The following NAPB variants were observed in gnomAD, a reference collection of about 807,000 sequenced individuals.
The protein encoded by NAPB is NSF attachment protein beta.
NAPB carries 26 observed loss-of-function variants against 44.7 expected under a neutral mutation model. The observed-to-expected ratio is 0.58, with a 90% CI of 0.43 to 0.81. The LOEUF is 0.81. NAPB is among the 30% of genes least tolerant of loss of function. The pLI, the probability that NAPB is intolerant of heterozygous loss-of-function variation, is 0.00. For synonymous variants in NAPB, 120 were observed against 116.8 expected (o/e 1.03, Z -0.18); for missense variants, 315 against 356.4 (o/e 0.88, Z 0.94).
intron 10 of NAPB, chr20:23,378,723 T>G (rs1435241796): frequency 6.6e-6 from 1 of 151,602 alleles, no homozygotes; most frequent in Admixed American, 6.6e-5. Flanking sequence ...ATTATAGGTG[T>G]GAGCCACCGT....
At chr20:23,404,906 C>T (rs1005275922) in intron 1 of NAPB, among the ~76,000 whole-genome samples, 8 of 152,294 alleles carry the variant, frequency 5.3e-5, no homozygotes, top group Non-Finnish European at 1.2e-4. Context: ...TGTGGAGAAA[C>T]CTTATATACG....
intron 2 of NAPB, among the ~76,000 whole-genome samples, chr20:23,397,547 TAAAG>T (rs1268716435): frequency 6.6e-6 from 1 of 152,122 alleles, no homozygotes; most frequent in Non-Finnish European, 1.5e-5. Flanking sequence ...CACAAATGAT[TAAAG>T]AAAGGTAAAA....
chr20:23,417,717 T>A (rs1244042450), intron 1 of NAPB, among the ~76,000 whole-genome samples: 2 of 152,062 alleles, frequency 1.3e-5, no homozygotes, highest in Non-Finnish European at 2.9e-5. Flanking sequence ...CATTACTGCT[T>A]AACGGGCAAT....
At chr20:23,391,135 C>A (rs1568608570) in intron 5 of NAPB, among the ~76,000 whole-genome samples, 1 of 152,104 alleles carries the variant, frequency 6.6e-6, no homozygotes, top group African/African-American at 2.4e-5. Flanking sequence ...CATGGTGAAA[C>A]CCTGTCTCTA....
chr20:23,394,468 G>C (rs1285760474), intron 5 of NAPB, among the ~76,000 whole-genome samples: 1 of 152,158 alleles, frequency 6.6e-6, no homozygotes, highest in African/African-American at 2.4e-5. Flanking sequence ...ACAAAGTGGA[G>C]AGGTCAGCAG....
intron 7 of NAPB, among the ~76,000 whole-genome samples, chr20:23,384,808 T>C (rs1983344021): frequency 6.6e-6 from 1 of 152,076 alleles, no homozygotes; most frequent in Non-Finnish European, 1.5e-5. Context: ...AAAACAAAGA[T>C]TGGCACAGTG....
At chr20:23,389,320 T>C (rs188322535) in intron 7 of NAPB, among the ~76,000 whole-genome samples, 42 of 150,930 alleles carry the variant, frequency 2.8e-4, no homozygotes, top group Middle Eastern at 3.5e-3. Context: ...GAAGGTATAA[T>C]GGTGTAGCCA....
intron 1 of NAPB, among the ~76,000 whole-genome samples, chr20:23,407,694 G>A (rs779977192): frequency 1.3e-5 from 2 of 152,154 alleles, no homozygotes; most frequent in South Asian, 4.2e-4. Flanking sequence ...AGGAGGTCAC[G>A]ACACTGAGGA....
rs1983833484 is a variant in NAPB, at chr20:23,390,021, G to C, written c.486C>G (p.Asn162Lys). 1 of 1,614,012 alleles carries C rather than the reference G, an allele frequency of 6.2e-7. No individual in the cohort carries two copies. Among genetic ancestry groups the C allele is most frequent in the South Asian group, 1.1e-5 (1 of 91,060 alleles). The change falls in exon 7 of 11, where the codon AAC becomes AAG. Residue 162 changes from asparagine (N) to lysine (K), a missense_variant. Around this residue, in one of 3 missense-constraint regions of NAPB, gnomAD observed 16 missense variants for 43.4 expected, o/e 0.37. Transcript: ENST00000377026. ...YKGEESNSSA[N>K]KCLLKVAAYA... Reference sequence around the variant, plus strand: ...ATGCTGCCACCTTCAGCAGACACTTGTTTGCTGAGCTGAAATCAAGAACCA... The same window carrying C: ...ATGCTGCCACCTTCAGCAGACACTTCTTTGCTGAGCTGAAATCAAGAACCA...
intron 6 of NAPB, 66 bp downstream of exon 6, chr20:23,390,143 A>G (rs1983842865): frequency 6.6e-7 from 1 of 1,523,120 alleles, no homozygotes. Context: ...CACAAAGTAT[A>G]AAGAAGTATT....
intron 7 of NAPB, among the ~76,000 whole-genome samples, chr20:23,383,841 T>C (rs1983242037): frequency 6.6e-6 from 1 of 152,218 alleles, no homozygotes; most frequent in African/African-American, 2.4e-5. Flanking sequence ...AATTCTAACA[T>C]TGACTCATGT....
chr20:23,420,748 C>T (rs946705608), intron 1 of NAPB, among the ~76,000 whole-genome samples: 7 of 152,130 alleles, frequency 4.6e-5, no homozygotes, highest in South Asian at 2.1e-4. Context: ...GACCCCCGCA[C>T]CAACCCGGGC....
In NAPB at chr20:23,395,281, T is replaced by A. The variant is rs989482904; in HGVS notation, c.296-96A>T. On this transcript the variant is annotated intron_variant, in intron 3 of 10. Coordinates refer to ENST00000377026, the MANE Select transcript of NAPB (RefSeq NM_022080.3). The stretch of plus-strand genomic sequence containing the variant: ...TTCCTGGCTGTTATCAGAACGTTAA[T>A]GAGGTATAATTTTGGAGTGGAGGGT... 16 of 1,323,490 alleles carry A rather than the reference T, an allele frequency of 1.2e-5. No individual in the cohort carries two copies. The African/African-American group carries it at 1.9e-4, about 16-fold the overall frequency. 82.0% of individuals were successfully genotyped at this position (1,323,490 alleles called of 1,614,324 possible). A position where few individuals can be genotyped will look rare whatever the true frequency, so the allele number is the denominator to read the frequency against.
intron 5 of NAPB, among the ~76,000 whole-genome samples, chr20:23,393,898 C>T (rs899732974): frequency 2.0e-5 from 3 of 152,164 alleles, no homozygotes; most frequent in Non-Finnish European, 2.9e-5. Flanking sequence ...CAGAGGAAAT[C>T]GTGGATACAA....
intron 1 of NAPB, among the ~76,000 whole-genome samples, chr20:23,415,918 A>G (rs1402007659): frequency 6.6e-6 from 1 of 152,182 alleles, no homozygotes; most frequent in Non-Finnish European, 1.5e-5. Flanking sequence ...GTGAGCAGAT[A>G]TCTCGCCACT....
Position 23,374,680 on chromosome 20 carries a change from T to A in NAPB, c.*2696A>T, listed in dbSNP as rs966206277. On this transcript the variant is annotated 3_prime_UTR_variant, in exon 11 of 11. Transcript: ENST00000377026. ...CACGGGGGCATGCTGTGCTGCCAAGTCCTCCAAAGGAAGTCACAAAGGTTT... is the reference window on the plus strand; with the variant it reads ...CACGGGGGCATGCTGTGCTGCCAAGACCTCCAAAGGAAGTCACAAAGGTTT... The A allele has an allele frequency of 1.4e-4, 21 of 152,096 alleles. No homozygotes were observed. The highest frequency in any genetic ancestry group is 4.8e-4 in the African/African-American group (20 of 41,410). The allele number at this position is 152,096 out of a possible 1,614,324, so 9.4% of individuals were successfully genotyped here. A position where few individuals can be genotyped will look rare whatever the true frequency, so the allele number is the denominator to read the frequency against.
chr20:23,400,137 C>G (rs1311844103), intron 2 of NAPB, among the ~76,000 whole-genome samples: 1 of 152,182 alleles, frequency 6.6e-6, no homozygotes, highest in Non-Finnish European at 1.5e-5. Flanking sequence ...TTTTCACATT[C>G]CCACATTCCA....
At chr20:23,407,872 C>G (rs1600593649) in intron 1 of NAPB, among the ~76,000 whole-genome samples, 2 of 152,244 alleles carry the variant, frequency 1.3e-5, no homozygotes, top group East Asian at 3.9e-4. Context: ...TTGATTTCCC[C>G]CATCCTGAAT....
At chr20:23,417,052 T>C (rs1178021248) in intron 1 of NAPB, among the ~76,000 whole-genome samples, 1 of 151,752 alleles carries the variant, frequency 6.6e-6, no homozygotes, top group Non-Finnish European at 1.5e-5. Context: ...AAGACAGCAT[T>C]AACCATAAAG....
Sources: allele counts gnomAD v4.1 joint callset (sites outside exome capture counted in the v4.1 genomes callset), GRCh38; gene constraint gnomAD v4.1.1; regional missense constraint gnomAD v4.1.1; transcripts MANE v1.5; gene names NCBI Gene and HGNC (gene_info 2026-07-23, HGNC 2026-07-21).